ATP4B: variants seen among roughly 807,000 people sequenced by gnomAD.
ATP4B encodes ATPase H+/K+ transporting subunit beta.
A neutral mutation model predicts 35.3 loss-of-function variants in ATP4B; 27 were observed. The observed-to-expected ratio is 0.76, with a 90% CI of 0.56 to 1.05. The LOEUF is 1.05. ATP4B is among the 50% of genes least tolerant of loss of function. The pLI is 0.00. For missense variants in ATP4B, 375 were observed against 384.8 expected, an observed-to-expected ratio of 0.97 and a Z score of 0.21; for synonymous variants, 162 against 156.0, an observed-to-expected ratio of 1.04 and a Z score of -0.29.
At chr13:113,651,754 C>T (rs533309026) in intron 4 of ATP4B, 27 bp from the exon 5 acceptor site, 33 of 1,611,102 alleles carry the variant, frequency 2.0e-5, no homozygotes, top group East Asian at 1.1e-4. Flanking sequence ...TGAGCGTGGC[C>T]GCTCCCCACC....
chr13:113,649,663 TG>T lies in ATP4B; in HGVS notation c.715-129del. On this transcript the variant is annotated intron_variant, in intron 6 of 6. Transcript: ENST00000335288. The surrounding 1 kb of genome is among the most constrained non-coding windows in gnomAD (Gnocchi z 4.7). ...CAGCTCTTTTGTGTAAGACTGGCCC[TG>T]ACCGAGTGCATGCCCTGGAATTTGC... 1 of 1,077,996 alleles carries T rather than the reference TG, an allele frequency of 9.3e-7. No homozygotes were observed. Among genetic ancestry groups the T allele is most frequent in the Non-Finnish European group, 1.3e-6 (1 of 793,312 alleles). 66.8% of individuals were successfully genotyped at this position (1,077,996 alleles called of 1,614,324 possible).
rs372054214 is a variant in ATP4B at position 113,653,119 on chromosome 13, G to A, written c.356-47C>T. On this transcript the variant is annotated intron_variant, in intron 3 of 6. Transcript: ENST00000335288. ...AGCCCTGTCCTGCCCTGGCCCTGAC[G>A]CCTGGCTGCCCCCCGGGAAGGCCTT... The A allele has an allele frequency of 2.9e-5, 45 of 1,569,998 alleles. No homozygotes were observed. The African/African-American group carries it at 3.0e-4, about 10-fold the overall frequency.
At position 113,653,418 on chromosome 13, in the gene ATP4B, C is replaced by T. The variant is rs147966257; in HGVS notation, c.258G>A (p.Pro86=). Residue 86 remains proline (P), a synonymous_variant, in exon 3 of 7, where the codon CCG becomes CCA. Transcript: ENST00000335288. ...CCAGGCCTTTCTCCCCGTAAACATCCGGCCTTAAGGTTACCCCTGGAGAGA... is the reference window on the plus strand; with the variant it reads ...CCAGGCCTTTCTCCCCGTAAACATCTGGCCTTAAGGTTACCCCTGGAGAGA... The part of the protein sequence containing the change: ...QLRSPGVTLR[P]DVYGEKGLEI... The T allele has an allele frequency of 1.5e-4, 250 of 1,614,196 alleles. 3 individuals carry two copies. In the African/African-American group the frequency reaches 2.2e-3, roughly 14 times the overall value.
At chr13:113,657,717 G>A (rs2049766713) in intron 1 of ATP4B, among the ~76,000 whole-genome samples, 1 of 152,256 alleles carries the variant, frequency 6.6e-6, no homozygotes, top group South Asian at 2.1e-4. Flanking sequence ...TTTTCAAAAT[G>A]ATTCACTTTA....
At chr13:113,655,086 C>T (rs956843131) in intron 1 of ATP4B, 144 bp from the exon 2 acceptor site, 14 of 1,159,724 alleles carry the variant, frequency 1.2e-5, no homozygotes, top group Middle Eastern at 2.9e-4. Context: ...ACAGAAACCC[C>T]GTCCCCACAA....
Position 113,653,395 on chromosome 13 carries a change from A to G in ATP4B, c.281T>C (p.Leu94Pro). 1.9e-6 allele frequency: 3 copies of G among 1,614,212 alleles called. No homozygotes were observed. The South Asian group carries it at 3.3e-5, about 18-fold the overall frequency. Reference protein sequence around the residue: ...LRPDVYGEKGLEIVYNVSDNR... With the variant: ...LRPDVYGEKGPEIVYNVSDNR... ...ATCAGAGACGTTGTAGACAATTTCC[A>G]GGCCTTTCTCCCCGTAAACATCCGG... is the stretch of plus-strand genomic sequence containing the variant. Residue 94 changes from leucine to proline, a missense_variant, in exon 3 of 7, where the codon CTG becomes CCG. By Grantham distance (98) the Leu-to-Pro change is moderately conservative (BLOSUM62 -3). Transcript: ENST00000335288.
rs762191804 is a variant in ATP4B, at chr13:113,650,437, T to C, written c.683A>G (p.His228Arg). Residue 228 changes from histidine to arginine, a missense_variant, in exon 6 of 7, where the codon CAC becomes CGC. Transcript: ENST00000335288. This position sits in a 1 kb window ranked among gnomAD's most constrained non-coding sequence, Gnocchi z 5.0. ...YYPPNGTFSLHYFPYYGKKAQ... is the reference protein window; with the variant it reads ...YYPPNGTFSLRYFPYYGKKAQ... ...TTTCTTCCCGTAATAAGGGAAGTAGTGCAGACTGAAGGTGCCGTTGGGAGG... is the reference window on the plus strand; with the variant it reads ...TTTCTTCCCGTAATAAGGGAAGTAGCGCAGACTGAAGGTGCCGTTGGGAGG... The C allele has an allele frequency of 3.7e-6, 6 of 1,614,070 alleles. No homozygotes were observed. Among genetic ancestry groups the C allele is most frequent in the Non-Finnish European group, 5.1e-6 (6 of 1,179,954 alleles).
chr13:113,657,518 AG>A (rs2140706983), intron 1 of ATP4B, among the ~76,000 whole-genome samples: 1 of 152,306 alleles, frequency 6.6e-6, no homozygotes, highest in Non-Finnish European at 1.5e-5. Context: ...AGGACCCTGC[AG>A]GGCAGACCTC....
rs932146295 is a variant in ATP4B, at chr13:113,650,623, CTT to C, written c.613-118_613-117del. On this transcript the variant is annotated intron_variant, in intron 5 of 6. Coordinates refer to ENST00000335288, the MANE Select transcript of ATP4B (RefSeq NM_000705.4). The surrounding 1 kb of genome is among the most constrained non-coding windows in gnomAD (Gnocchi z 5.0). ...CGCTGTGTAGGTGCTTGCATAAACA[CTT>C]TATTGCATACTTAGCATAAATCAGA... is the stretch of plus-strand genomic sequence containing the variant. The C allele has an allele frequency of 2.1e-5, 14 of 680,142 alleles. No individual in the cohort carries two copies. Among genetic ancestry groups the C allele is most frequent in the Non-Finnish European group, 3.2e-5 (13 of 400,410 alleles). 42.1% of individuals were successfully genotyped at this position (680,142 alleles called of 1,614,324 possible).
In ATP4B at chr13:113,649,335, G is replaced by C. The variant is rs760029783; in HGVS notation, c.*39C>G. 1 of 1,562,576 alleles carries C rather than the reference G, an allele frequency of 6.4e-7. No homozygotes were observed. Among genetic ancestry groups the C allele is most frequent in the Admixed American group, 1.9e-5 (1 of 54,048 alleles). Reference sequence around the variant, plus strand: ...CCCAACCAGGAGGGTGTCCTTGAGCGACCCCGCAGGCGTGCCCAGGACCCC... The same window carrying C: ...CCCAACCAGGAGGGTGTCCTTGAGCCACCCCGCAGGCGTGCCCAGGACCCC... On this transcript the variant is annotated 3_prime_UTR_variant, in exon 7 of 7. Coordinates refer to ENST00000335288, the MANE Select transcript of ATP4B (RefSeq NM_000705.4). The surrounding 1 kb of genome is among the most constrained non-coding windows in gnomAD (Gnocchi z 4.7).
Position 113,655,001 on chromosome 13 carries a change from G to A in ATP4B, c.113-59C>T, listed in dbSNP as rs375943606. 21 of 1,603,620 alleles carry A rather than the reference G, an allele frequency of 1.3e-5. No individual in the cohort carries two copies. The African/African-American group carries it at 1.5e-4, about 11-fold the overall frequency. ...TCAGCCATTTTAACGCACACAATTC[G>A]GTGGCCTTGAGCGCGTCCGTGATGT... On this transcript the variant is annotated intron_variant, in intron 1 of 6. Coordinates refer to ENST00000335288, the MANE Select transcript of ATP4B (RefSeq NM_000705.4).
intron 2 of ATP4B, among the ~76,000 whole-genome samples, chr13:113,653,877 C>T (rs74465812): frequency 6.6e-5 from 10 of 152,350 alleles, no homozygotes; most frequent in African/African-American, 2.2e-4. Context: ...GGGAGTGAAA[C>T]GCAGAGCCGT....
Position 113,650,602 on chromosome 13 carries a change from G to T in ATP4B, c.613-95C>A, listed in dbSNP as rs2049705070. 1.1e-6 allele frequency: 1 copy of T among 893,622 alleles called. No homozygotes were observed. The highest frequency in any genetic ancestry group is 1.7e-5 in the African/African-American group (1 of 59,738). 55.4% of individuals were successfully genotyped at this position (893,622 alleles called of 1,614,324 possible). On this transcript the variant is annotated intron_variant, in intron 5 of 6. Coordinates refer to ENST00000335288, the MANE Select transcript of ATP4B (RefSeq NM_000705.4). The surrounding 1 kb of genome is among the most constrained non-coding windows in gnomAD (Gnocchi z 5.0). ...GTGTGCGTGTGTGCACACACGCGCT[G>T]TGTAGGTGCTTGCATAAACACTTTA...
chr13:113,657,653 G>A (rs572295580), intron 1 of ATP4B, among the ~76,000 whole-genome samples: 11 of 152,374 alleles, frequency 7.2e-5, no homozygotes, highest in Non-Finnish European at 1.0e-4. Context: ...CCTTATTCAG[G>A]TCATTGCGTG....
chr13:113,657,608 C>G (rs922419697), intron 1 of ATP4B, among the ~76,000 whole-genome samples: 1 of 152,354 alleles, frequency 6.6e-6, no homozygotes, highest in East Asian at 1.9e-4. Flanking sequence ...GCGGGTGTCC[C>G]GGAAAGGGGC....
In ATP4B at chr13:113,652,709, G is replaced by A. The variant is rs750974089; in HGVS notation, c.555+164C>T. ...TCAAATTTGTATCTAAGAACCACACGGGACAGGTGCGTGCCAAACCAAGGT... is the reference window on the plus strand; with the variant it reads ...TCAAATTTGTATCTAAGAACCACACAGGACAGGTGCGTGCCAAACCAAGGT... On this transcript the variant is annotated intron_variant, in intron 4 of 6. Coordinates refer to ENST00000335288, the MANE Select transcript of ATP4B (RefSeq NM_000705.4). The A allele has an allele frequency of 3.5e-5, 27 of 765,538 alleles. 1 individual carries two copies. Among genetic ancestry groups the A allele is most frequent in the African/African-American group, 2.6e-4 (15 of 58,218 alleles). 47.4% of individuals were successfully genotyped at this position (765,538 alleles called of 1,614,324 possible).
rs188996369 is a variant in ATP4B at position 113,650,107 on chromosome 13, G to T, written c.714+299C>A. On this transcript the variant is annotated intron_variant, in intron 6 of 6. Transcript: ENST00000335288. The surrounding 1 kb of genome is among the most constrained non-coding windows in gnomAD (Gnocchi z 5.0). ...GAGCCCAGGTGGTTGAGGCTGCAAT[G>T]AGCTAAGATGCTAAGATTGCATTGC... Among the ~76,000 whole-genome samples, 1 of 151,776 alleles carries T rather than the reference G, an allele frequency of 6.6e-6. No homozygotes were observed. Among genetic ancestry groups the T allele is most frequent in the East Asian group, 1.9e-4 (1 of 5,144 alleles).
intron 5 of ATP4B, among the ~76,000 whole-genome samples, chr13:113,651,266 C>T (rs915927466): frequency 3.9e-5 from 6 of 152,338 alleles, no homozygotes; most frequent in Middle Eastern, 3.4e-3. Flanking sequence ...AGCCTGAGAT[C>T]GATGCCAACT....
chr13:113,653,271 C>CACCTCACCCACCCGCCG (rs1566688682), intron 3 of ATP4B, 50 bp downstream of exon 3: 1 of 1,561,548 alleles, frequency 6.4e-7, no homozygotes, highest in Non-Finnish European at 8.8e-7. Flanking sequence ...CGCCGCTTCA[C>CACCTCACCCACCCGCCG]ACCTCACCCA....
Sources: allele counts gnomAD v4.1 joint callset (sites outside exome capture counted in the v4.1 genomes callset), GRCh38; gene constraint gnomAD v4.1.1; non-coding constraint Gnocchi (gnomAD v3.1); transcripts MANE v1.5; gene names NCBI Gene and HGNC (gene_info 2026-07-23, HGNC 2026-07-21).